ARHGAP42: variants seen among roughly 807,000 people sequenced by gnomAD.
ARHGAP42 encodes Rho GTPase activating protein 42.
ARHGAP42 carries 63 observed loss-of-function variants against 125.0 expected under a neutral mutation model. The ratio of observed to expected loss-of-function variants is 0.50; its 90% CI spans 0.41 to 0.62. The LOEUF is 0.62. Among genes scored for constraint, ARHGAP42 ranks in the 20% least tolerant of loss-of-function variants. The pLI, the probability that ARHGAP42 is intolerant of heterozygous loss-of-function variation, is 0.00. For synonymous variants in ARHGAP42, 339 were observed against 351.0 expected, an observed-to-expected ratio of 0.97 and a Z score of 0.38; for missense variants, 766 against 1,024.2, an observed-to-expected ratio of 0.75 and a Z score of 3.44.
At chr11:100,828,543 A>T (rs755907580) in intron 3 of ARHGAP42, among the ~76,000 whole-genome samples, 2 of 152,158 alleles carry the variant, frequency 1.3e-5, no homozygotes, top group African/African-American at 2.4e-5. Flanking sequence ...TGAGCAAGGT[A>T]TGAGGAACCA....
At chr11:100,875,940 C>G (rs1268113396) in intron 4 of ARHGAP42, among the ~76,000 whole-genome samples, 1 of 152,050 alleles carries the variant, frequency 6.6e-6, no homozygotes, top group Non-Finnish European at 1.5e-5. Context: ...TGGTTGTTAT[C>G]TTGTTACAAG....
chr11:100,766,398 T>C (rs1271669785), intron 1 of ARHGAP42, among the ~76,000 whole-genome samples: 2 of 152,208 alleles, frequency 1.3e-5, no homozygotes, highest in Admixed American at 6.5e-5. Context: ...GTTGACTCTT[T>C]AGTATGATAT....
intron 7 of ARHGAP42, among the ~76,000 whole-genome samples, chr11:100,935,675 C>CAGAGAGAGAG (rs200179371): frequency 2.9e-5 from 3 of 104,832 alleles, no homozygotes; most frequent in East Asian, 2.0e-4. Context: ...CACACACACA[C>CAGAGAGAGAG]ACAGAGAGAG....
At chr11:100,876,082 C>G (rs967972464) in intron 4 of ARHGAP42, among the ~76,000 whole-genome samples, 5 of 152,096 alleles carry the variant, frequency 3.3e-5, no homozygotes, top group African/African-American at 2.4e-5. Context: ...TCAGTCCTTA[C>G]CTTTGCAAAA....
intron 1 of ARHGAP42, among the ~76,000 whole-genome samples, chr11:100,736,366 C>T (rs1862068251): frequency 6.6e-6 from 1 of 152,188 alleles, no homozygotes; most frequent in African/African-American, 2.4e-5. Context: ...TCTGGTGAGA[C>T]AGAGAACTTG....
At chr11:100,867,661 A>G (rs759652825) in intron 4 of ARHGAP42, among the ~76,000 whole-genome samples, 3 of 152,170 alleles carry the variant, frequency 2.0e-5, no homozygotes, top group Admixed American at 6.5e-5. Context: ...TTGATTTCTT[A>G]CCATTTGTGT....
At chr11:100,809,070 C>T (rs1864076179) in intron 3 of ARHGAP42, among the ~76,000 whole-genome samples, 1 of 152,110 alleles carries the variant, frequency 6.6e-6, no homozygotes, top group African/African-American at 2.4e-5. Flanking sequence ...AAGAAACAGC[C>T]AGAATCACAA....
chr11:100,921,246 T>TATATATATA (rs1170204867), intron 5 of ARHGAP42, among the ~76,000 whole-genome samples: 5 of 34,594 alleles, frequency 1.4e-4, no homozygotes, highest in Non-Finnish European at 2.6e-4. Flanking sequence ...TATATATATA[T>TATATATATA]TTTTTTTTTT....
intron 1 of ARHGAP42, among the ~76,000 whole-genome samples, chr11:100,748,865 A>T (rs1333659046): frequency 6.6e-6 from 1 of 152,180 alleles, no homozygotes; most frequent in Non-Finnish European, 1.5e-5. Context: ...TAGGTTTTAA[A>T]TTTACCCTGG....
intron 3 of ARHGAP42, among the ~76,000 whole-genome samples, chr11:100,833,916 A>C (rs1310747684): frequency 6.6e-6 from 1 of 152,172 alleles, no homozygotes; most frequent in East Asian, 1.9e-4. Context: ...TTAAAAAATA[A>C]AAATTTTTAA....
intron 1 of ARHGAP42, among the ~76,000 whole-genome samples, chr11:100,745,784 C>G (rs1465878960): frequency 6.6e-6 from 1 of 152,142 alleles, no homozygotes; most frequent in African/African-American, 2.4e-5. Context: ...CTCAGCTATT[C>G]CTTTAATAGC....
intron 22 of ARHGAP42, among the ~76,000 whole-genome samples, chr11:100,982,821 C>T (rs954464452): frequency 6.6e-6 from 1 of 152,098 alleles, no homozygotes; most frequent in African/African-American, 2.4e-5. Flanking sequence ...ACAAAAAGCT[C>T]AACAAAGTTA....
intron 1 of ARHGAP42, among the ~76,000 whole-genome samples, chr11:100,719,943 C>T (rs1640384451): frequency 6.6e-6 from 1 of 152,194 alleles, no homozygotes; most frequent in Non-Finnish European, 1.5e-5. Context: ...CCCAACCTTG[C>T]CTCCCCTGCT....
chr11:100,730,111 A>G (rs1265955344), intron 1 of ARHGAP42, among the ~76,000 whole-genome samples: 1 of 152,150 alleles, frequency 6.6e-6, no homozygotes, highest in Non-Finnish European at 1.5e-5. Flanking sequence ...TGCCTGGCCT[A>G]AATTTCAAAT....
At chr11:100,937,342 C>T (rs1591307794) in intron 8 of ARHGAP42, among the ~76,000 whole-genome samples, 1 of 152,288 alleles carries the variant, frequency 6.6e-6, no homozygotes, top group South Asian at 2.1e-4. Flanking sequence ...ACCCTCCCCC[C>T]AGTTCATGAA....
intron 8 of ARHGAP42, 95 bp downstream of exon 8, chr11:100,936,427 T>A: frequency 6.9e-7 from 1 of 1,454,684 alleles, no homozygotes; most frequent in Non-Finnish European, 9.2e-7. Context: ...GTAGGAGGAC[T>A]GAAATTTCTT....
intron 1 of ARHGAP42, among the ~76,000 whole-genome samples, chr11:100,751,819 GC>G (rs1862467285): frequency 8.8e-6 from 1 of 114,248 alleles, no homozygotes; most frequent in South Asian, 2.7e-4. Flanking sequence ...TCCCTTTGTC[GC>G]CCAGGCTGGA....
chr11:100,822,193 A>C (rs1360461432), intron 3 of ARHGAP42, among the ~76,000 whole-genome samples: 1 of 152,188 alleles, frequency 6.6e-6, no homozygotes, highest in East Asian at 1.9e-4. Flanking sequence ...TCGTTCCAGA[A>C]TAAAATTTGG....
At chr11:100,894,855 C>T (rs566074636) in intron 4 of ARHGAP42, among the ~76,000 whole-genome samples, 14 of 152,254 alleles carry the variant, frequency 9.2e-5, no homozygotes, top group Admixed American at 2.6e-4. Flanking sequence ...CAATTCCCAC[C>T]TTTCTAACTG....
Sources: gnomAD v4.1 joint callset for allele counts (sites outside exome capture counted in the v4.1 genomes callset) on GRCh38, gnomAD v4.1.1 for gene constraint, MANE v1.5 for transcripts, NCBI Gene and HGNC (gene_info 2026-07-23, HGNC 2026-07-21) for gene names.